Variants in COL24A1 observed in about 807,000 individuals in gnomAD.
The protein encoded by COL24A1 is collagen alpha-1(XXIV) chain.
Under a neutral mutation model 253.9 loss-of-function variants are expected in COL24A1, and 224 were observed. The ratio of observed to expected loss-of-function variants is 0.88; its 90% confidence interval spans 0.79 to 0.99. COL24A1 has a LOEUF of 0.99. Among genes scored for constraint, COL24A1 ranks in the 50% least tolerant of loss-of-function variants. COL24A1 has a pLI of 0.00. For missense variants in COL24A1, 2,131 were observed against 2,068.5 expected (o/e 1.03, Z -0.59); for synonymous variants, 685 against 673.7 (o/e 1.02, Z -0.26).
intron 10 of COL24A1, among the ~76,000 whole-genome samples, chr1:86,051,340 A>T (rs2101685253): frequency 6.6e-6 from 1 of 152,250 alleles, no homozygotes; most frequent in African/African-American, 2.4e-5. Context: ...TGATTATGCA[A>T]TAGGTGATAT....
intron 29 of COL24A1, 117 bp from the exon 30 acceptor site, chr1:85,896,182 T>C (rs892196583): frequency 4.0e-6 from 5 of 1,248,420 alleles, no homozygotes; most frequent in African/African-American, 3.1e-5. Context: ...TAGTTCATTA[T>C]TGAAAAGAAA....
chr1:85,731,289 G>T (rs186907905), intron 59 of COL24A1, among the ~76,000 whole-genome samples: 1 of 152,174 alleles, frequency 6.6e-6, no homozygotes, highest in East Asian at 1.9e-4. Flanking sequence ...GATATCCTGT[G>T]ATTAAGATTC....
At chr1:85,946,093 T>C (rs78237210) in intron 24 of COL24A1, among the ~76,000 whole-genome samples, 9,185 of 152,216 alleles carry the variant, frequency 0.06, 588 homozygotes, top group Admixed American at 0.2. Context: ...GCTAAACACT[T>C]GTTTTCCCTC....
intron 7 of COL24A1, among the ~76,000 whole-genome samples, chr1:86,077,119 C>A (rs1029872792): frequency 1.3e-5 from 2 of 152,150 alleles, no homozygotes; most frequent in African/African-American, 4.8e-5. Context: ...TATCCAGAAT[C>A]TACAAGAAAC....
intron 59 of COL24A1, among the ~76,000 whole-genome samples, chr1:85,734,508 C>G (rs750692737): frequency 3.9e-5 from 6 of 152,156 alleles, no homozygotes; most frequent in Non-Finnish European, 8.8e-5. Flanking sequence ...AAATTTACAT[C>G]TTAACACCTG....
intron 47 of COL24A1, among the ~76,000 whole-genome samples, chr1:85,800,594 A>G (rs1173821499): frequency 6.6e-6 from 1 of 152,108 alleles, no homozygotes; most frequent in Non-Finnish European, 1.5e-5. Context: ...GCAGAATTAA[A>G]GTGATGTCAG....
intron 47 of COL24A1, among the ~76,000 whole-genome samples, chr1:85,808,888 T>C (rs1167341957): frequency 6.6e-6 from 1 of 152,128 alleles, no homozygotes; most frequent in South Asian, 2.1e-4. Context: ...CTAGGGTTTT[T>C]ATGGACAATT....
At chr1:86,037,570 C>T (rs1008425906) in intron 12 of COL24A1, among the ~76,000 whole-genome samples, 1 of 152,126 alleles carries the variant, frequency 6.6e-6, no homozygotes, top group African/African-American at 2.4e-5. Context: ...ATTCTTCCTA[C>T]AACCTGAATG....
At chr1:86,053,529 G>GT (rs151323296) in intron 10 of COL24A1, among the ~76,000 whole-genome samples, 3 of 152,152 alleles carry the variant, frequency 2.0e-5, no homozygotes, top group African/African-American at 7.2e-5. Context: ...TGAAACTAGA[G>GT]TTTACCGTGT....
chr1:85,819,213 G>C (rs1673352501), intron 45 of COL24A1, among the ~76,000 whole-genome samples: 1 of 152,108 alleles, frequency 6.6e-6, no homozygotes, highest in Admixed American at 6.5e-5. Flanking sequence ...TTTAATTAAA[G>C]TATACACATT....
At chr1:86,038,730 A>T (rs12740195) in intron 12 of COL24A1, among the ~76,000 whole-genome samples, 14,002 of 152,164 alleles carry the variant, frequency 0.092, 858 homozygotes, top group Non-Finnish European at 0.13. Context: ...GGGAAGCCAA[A>T]GCTATGTTCT....
intron 24 of COL24A1, among the ~76,000 whole-genome samples, chr1:85,932,542 A>G (rs1687838324): frequency 8.8e-6 from 1 of 113,416 alleles, no homozygotes; most frequent in Non-Finnish European, 1.8e-5. Flanking sequence ...TTCCTCAGGG[A>G]TCTAGAACTA....
At position 85,849,322 on chromosome 1, in the gene COL24A1, A is replaced by G. The variant is rs773719302; in HGVS notation, c.3354+31T>C. The G allele has an allele frequency of 4.4e-6, 7 of 1,598,676 alleles. No individual in the cohort carries two copies. The Admixed American group carries it at 1.2e-4, about 27-fold the overall frequency. On this transcript the variant is annotated intron_variant, in intron 38 of 59. Coordinates refer to ENST00000370571, the MANE Select transcript of COL24A1 (RefSeq NM_152890.7). ...GAGTTCTGGGCACATCAGAAGAAAG[A>G]AAACCTGCATAAGAAGATGTAAAAA...
chr1:86,089,484 C>G (rs527480128), intron 6 of COL24A1, among the ~76,000 whole-genome samples: 1 of 152,268 alleles, frequency 6.6e-6, no homozygotes, highest in African/African-American at 2.4e-5. Flanking sequence ...AATGCCCTTG[C>G]TGTCAAACTT....
At chr1:86,107,342 C>T (rs1705079208) in intron 5 of COL24A1, among the ~76,000 whole-genome samples, 1 of 152,092 alleles carries the variant, frequency 6.6e-6, no homozygotes, top group South Asian at 2.1e-4. Context: ...AGATATCATA[C>T]ATAAAATAAG....
At chr1:86,003,627 C>T (rs541871693) in intron 19 of COL24A1, among the ~76,000 whole-genome samples, 2 of 152,194 alleles carry the variant, frequency 1.3e-5, no homozygotes, top group Non-Finnish European at 2.9e-5. Context: ...TGAATAACAA[C>T]AGAGAAGAAA....
At chr1:85,801,022 T>A (rs1380012407) in intron 47 of COL24A1, among the ~76,000 whole-genome samples, 2 of 152,138 alleles carry the variant, frequency 1.3e-5, no homozygotes, top group Non-Finnish European at 2.9e-5. Context: ...AAAACAAGTG[T>A]CCAACACAGT....
Position 85,849,352 on chromosome 1 carries a change from CCT to C in COL24A1, c.3353_3354del (p.Lys1118ArgfsTer2). On this transcript the variant is annotated frameshift_variant and splice_region_variant, in exon 38 of 60. Transcript: ENST00000370571. LOFTEE classifies it high-confidence loss of function. ...IPGQRGRPGK[K>X]GDKGQIGPTG... ...CTGCATAAGAAGATGTAAAAAATTACCTTTTTTCCTGGACGACCTCTTTGCCC... is the reference window on the plus strand; with the variant it reads ...CTGCATAAGAAGATGTAAAAAATTACTTTTTCCTGGACGACCTCTTTGCCC... 6.2e-7 allele frequency: 1 copy of C among 1,611,966 alleles called. No homozygotes were observed. The highest frequency in any genetic ancestry group is 2.2e-5 in the East Asian group (1 of 44,746).
chr1:85,944,166 G>T (rs1218237015), intron 24 of COL24A1, among the ~76,000 whole-genome samples: 1 of 152,180 alleles, frequency 6.6e-6, no homozygotes, highest in African/African-American at 2.4e-5. Flanking sequence ...CTTGTCAAAA[G>T]ACTTATGTTC....
Sources: allele counts gnomAD v4.1 joint callset (sites outside exome capture counted in the v4.1 genomes callset), GRCh38; gene constraint gnomAD v4.1.1; transcripts MANE v1.5; gene names NCBI Gene and HGNC (gene_info 2026-07-23, HGNC 2026-07-21).